Variants in OTUD7B observed in about 807,000 individuals in gnomAD.
The protein encoded by OTUD7B is OTU deubiquitinase 7B.
In OTUD7B, 34 loss-of-function variants were observed where a neutral mutation model predicts 82.2. The observed-to-expected ratio is 0.41, with a 90% CI of 0.31 to 0.55. OTUD7B has a LOEUF of 0.55. OTUD7B is among the 20% of genes least tolerant of loss of function. The probability of loss-of-function intolerance (pLI) is 0.20; values close to 1 mark genes in which losing one functional copy is unlikely to be tolerated. For synonymous variants in OTUD7B, 398 were observed against 402.7 expected (o/e 0.99, Z 0.14); for missense variants, 944 against 1,062.1 (o/e 0.89, Z 1.55).
At chr1:150,018,910 C>G in the OTUD7B span, among the ~76,000 whole-genome samples, 1 of 152,082 alleles carries the variant, frequency 6.6e-6, no homozygotes, top group Non-Finnish European at 1.5e-5. Context: ...TATCTGCAGG[C>G]CTTTATGCAG....
intron 1 of OTUD7B, among the ~76,000 whole-genome samples, chr1:149,980,904 G>A (rs115551146): frequency 2.0e-5 from 3 of 151,476 alleles, no homozygotes; most frequent in Admixed American, 6.6e-5. Context: ...TCCCAGCCAC[G>A]TGAGTGGCTG....
chr1:149,978,519 A>C (rs587698103), intron 1 of OTUD7B, among the ~76,000 whole-genome samples: 13 of 152,244 alleles, frequency 8.5e-5, no homozygotes, highest in Admixed American at 7.2e-4. Context: ...AACTAACTTA[A>C]ATTAAATTAA....
At chr1:150,015,308 T>A (rs368559897), upstream of OTUD7B, among the ~76,000 whole-genome samples, 503 of 142,618 alleles carry the variant, frequency 3.5e-3, 1 homozygote, top group African/African-American at 0.012. Context: ...TTTTGTTTTT[T>A]TTTGAGATGG....
At chr1:149,994,305 G>T (rs1268033096) in intron 1 of OTUD7B, among the ~76,000 whole-genome samples, 2 of 152,120 alleles carry the variant, frequency 1.3e-5, no homozygotes, top group Admixed American at 1.3e-4. Context: ...AAACCCAGCC[G>T]GGCGCAGTGG....
At chr1:149,949,344 C>T (rs1648007584) in intron 9 of OTUD7B, among the ~76,000 whole-genome samples, 1 of 152,144 alleles carries the variant, frequency 6.6e-6, no homozygotes, top group African/African-American at 2.4e-5. Flanking sequence ...AATGTATATT[C>T]AGAGAATTCA....
chr1:149,968,623 C>A (rs1276533232), intron 3 of OTUD7B, among the ~76,000 whole-genome samples: 2 of 152,186 alleles, frequency 1.3e-5, no homozygotes, highest in Non-Finnish European at 2.9e-5. Context: ...GTTCTTAATA[C>A]AACATTTGCC....
At chr1:149,959,990 T>C (rs1649020110) in intron 6 of OTUD7B, among the ~76,000 whole-genome samples, 194 bp from the exon 7 acceptor site, 2 of 152,170 alleles carry the variant, frequency 1.3e-5, no homozygotes, top group African/African-American at 4.8e-5. Flanking sequence ...ACTATTAAAC[T>C]TCTTTATCAT....
intron 2 of OTUD7B, among the ~76,000 whole-genome samples, chr1:149,975,262 T>C (rs1650229420): frequency 1.3e-5 from 2 of 152,226 alleles, no homozygotes; most frequent in South Asian, 2.1e-4. Context: ...GGTTCTTTCT[T>C]CACTCTCACA....
At chr1:149,979,866 T>C (rs1471364499) in intron 1 of OTUD7B, among the ~76,000 whole-genome samples, 1 of 152,128 alleles carries the variant, frequency 6.6e-6, no homozygotes, top group Non-Finnish European at 1.5e-5. Context: ...TCAAATAACT[T>C]ATACACATGA....
intron 3 of OTUD7B, among the ~76,000 whole-genome samples, chr1:149,968,477 T>A (rs1649674523): frequency 6.6e-6 from 1 of 152,126 alleles, no homozygotes. Flanking sequence ...TACATGACAC[T>A]TGTAATTCCC....
At chr1:149,983,360 A>G (rs1391742281) in intron 1 of OTUD7B, among the ~76,000 whole-genome samples, 1 of 152,156 alleles carries the variant, frequency 6.6e-6, no homozygotes, top group Non-Finnish European at 1.5e-5. Flanking sequence ...CATCTTCCTG[A>G]GCAATTTCAA....
chr1:149,985,449 C>T (rs1651065096), intron 1 of OTUD7B, among the ~76,000 whole-genome samples: 1 of 152,076 alleles, frequency 6.6e-6, no homozygotes, highest in African/African-American at 2.4e-5. Flanking sequence ...CAGGGTCGGG[C>T]ATGCTGGCTC....
the OTUD7B span, among the ~76,000 whole-genome samples, chr1:150,060,240 C>T: frequency 6.6e-6 from 1 of 152,140 alleles, no homozygotes; most frequent in Non-Finnish European, 1.5e-5. Flanking sequence ...CTGCAAAATT[C>T]CTGTGTTGAA....
intron 1 of OTUD7B, among the ~76,000 whole-genome samples, 179 bp downstream of exon 1, chr1:150,010,269 A>T (rs1652952478): frequency 6.6e-6 from 1 of 152,032 alleles, no homozygotes; most frequent in African/African-American, 2.4e-5. Context: ...AAAGATCGGG[A>T]CGAAGCAAGG....
intron 1 of OTUD7B, among the ~76,000 whole-genome samples, chr1:149,995,284 A>C (rs369523611): frequency 6.6e-5 from 10 of 152,172 alleles, no homozygotes; most frequent in African/African-American, 2.2e-4. Flanking sequence ...GACAGTTCTA[A>C]TACTGGCAAC....
the OTUD7B span, among the ~76,000 whole-genome samples, chr1:150,044,697 TAATA>T: frequency 2.0e-5 from 3 of 150,730 alleles, no homozygotes; most frequent in Non-Finnish European, 4.4e-5. Flanking sequence ...ATAATAATAA[TAATA>T]AATAAAAATA....
intron 1 of OTUD7B, among the ~76,000 whole-genome samples, chr1:149,996,087 T>A (rs1411627002): frequency 1.3e-5 from 2 of 152,214 alleles, no homozygotes; most frequent in Non-Finnish European, 2.9e-5. Context: ...CACATTACAA[T>A]GTTAACAACA....
the OTUD7B span, among the ~76,000 whole-genome samples, chr1:150,060,886 A>G: frequency 6.6e-6 from 1 of 152,126 alleles, no homozygotes; most frequent in Non-Finnish European, 1.5e-5. Context: ...GAATTTGGTT[A>G]TCATTCTCGT....
At chr1:150,038,676 C>G in the OTUD7B span, among the ~76,000 whole-genome samples, 1 of 152,166 alleles carries the variant, frequency 6.6e-6, no homozygotes, top group Admixed American at 6.5e-5. Context: ...CATGAGCCAC[C>G]TCGCCCAGCC....
Sources: gnomAD v4.1 joint callset for allele counts (sites outside exome capture counted in the v4.1 genomes callset) on GRCh38, gnomAD v4.1.1 for gene constraint, MANE v1.5 for transcripts, NCBI Gene and HGNC (gene_info 2026-07-23, HGNC 2026-07-21) for gene names.